The following DLGAP2 variants were observed in gnomAD, a reference collection of about 807,000 sequenced individuals.
DLGAP2 encodes the protein DLG associated protein 2.
A neutral mutation model predicts 100.3 loss-of-function variants in DLGAP2; 26 were observed. That is an observed-to-expected ratio of 0.26 (90% CI 0.19 to 0.36). The LOEUF (loss-of-function observed/expected upper bound fraction) is 0.36. Among genes scored for constraint, DLGAP2 ranks in the 10% least tolerant of loss-of-function variants. The pLI is 1.00. For missense variants in DLGAP2, 1,858 were observed against 1,453.2 expected (o/e 1.28, Z -4.53); for synonymous variants, 886 against 630.1 (o/e 1.41, Z -6.08).
At chr8:1,049,806 G>A (rs533044569) in intron 2 of DLGAP2, among the ~76,000 whole-genome samples, 1 of 152,286 alleles carries the variant, frequency 6.6e-6, no homozygotes, top group Non-Finnish European at 1.5e-5. Context: ...GCAGTAACAG[G>A]TGTGCATACG....
At chr8:854,766 C>A (rs1417283678) in intron 1 of DLGAP2, among the ~76,000 whole-genome samples, 2 of 152,128 alleles carry the variant, frequency 1.3e-5, no homozygotes, top group Non-Finnish European at 2.9e-5. Context: ...TGTTGTAGGG[C>A]CTGCCTCAGT....
At chr8:836,649 C>T (rs925789587) in intron 1 of DLGAP2, among the ~76,000 whole-genome samples, 2 of 152,188 alleles carry the variant, frequency 1.3e-5, no homozygotes, top group African/African-American at 4.8e-5. Flanking sequence ...GCTCCTACTT[C>T]CGTTTCCCCG....
intron 3 of DLGAP2, among the ~76,000 whole-genome samples, chr8:1,384,241 G>A (rs919521533): frequency 1.6e-4 from 25 of 152,242 alleles, no homozygotes; most frequent in Admixed American, 3.9e-4. Flanking sequence ...TTTCTTTCCT[G>A]GAAAAAGCAA....
intron 2 of DLGAP2, among the ~76,000 whole-genome samples, chr8:998,084 C>CA (rs1800837033): frequency 6.6e-6 from 1 of 151,238 alleles, no homozygotes; most frequent in Non-Finnish European, 1.5e-5. Flanking sequence ...TGTGCACACA[C>CA]CCGTGTCTGC....
intron 2 of DLGAP2, among the ~76,000 whole-genome samples, chr8:1,020,251 G>A (rs991196687): frequency 1.3e-5 from 2 of 152,132 alleles, no homozygotes; most frequent in East Asian, 3.9e-4. Context: ...ACCAATTTGG[G>A]TATGAAACCC....
chr8:1,416,745 G>T (rs374772912), intron 3 of DLGAP2, among the ~76,000 whole-genome samples: 1 of 152,182 alleles, frequency 6.6e-6, no homozygotes, highest in East Asian at 1.9e-4. Context: ...AAAAGGAATC[G>T]GACGTGTTGG....
intron 3 of DLGAP2, among the ~76,000 whole-genome samples, chr8:1,338,478 G>A (rs1225979535): frequency 2.0e-5 from 3 of 152,318 alleles, no homozygotes; most frequent in East Asian, 1.9e-4. Flanking sequence ...CTGGGTCTGG[G>A]GGCAGGAAGG....
chr8:1,635,896 C>T (rs1231078602), intron 8 of DLGAP2, among the ~76,000 whole-genome samples: 1 of 152,228 alleles, frequency 6.6e-6, no homozygotes, highest in Non-Finnish European at 1.5e-5. Flanking sequence ...CTTTTTCACT[C>T]AACCTTTAAA....
intron 3 of DLGAP2, among the ~76,000 whole-genome samples, chr8:1,444,085 C>T (rs1052331899): frequency 6.6e-6 from 1 of 152,096 alleles, no homozygotes; most frequent in Non-Finnish European, 1.5e-5. Context: ...CCTACACCTC[C>T]CTCTACCTTA....
intron 4 of DLGAP2, among the ~76,000 whole-genome samples, chr8:1,504,303 A>T (rs957308688): frequency 2.5e-4 from 38 of 152,162 alleles, no homozygotes; most frequent in Non-Finnish European, 5.1e-4. Flanking sequence ...TTGTGTGTAT[A>T]GTATACAACG....
At chr8:1,325,732 C>G (rs1801006978) in intron 3 of DLGAP2, among the ~76,000 whole-genome samples, 2 of 152,092 alleles carry the variant, frequency 1.3e-5, no homozygotes, top group Admixed American at 1.3e-4. Context: ...GTACCGCTTG[C>G]CAAAGAAAAA....
In DLGAP2 at chr8:940,057, A is replaced by G. The variant is rs11985137; in HGVS notation, c.73+32091A>G. ...AAGGTGGAAAGCTTCTTTGGCTGCT[A>G]TGGAGTGCAGTAGGGTGCTTGGAAT... is the stretch of plus-strand genomic sequence containing the variant. On this transcript the variant is annotated intron_variant, in intron 2 of 14. Transcript: ENST00000637795. 3.8e-3 allele frequency among the ~76,000 whole-genome samples: 581 copies of G among 152,114 alleles called. 3 individuals carry two copies. Among genetic ancestry groups the G allele is most frequent in the African/African-American group, 0.012 (501 of 41,474 alleles).
chr8:964,404 G>A (rs1799797311), intron 2 of DLGAP2, among the ~76,000 whole-genome samples: 1 of 152,238 alleles, frequency 6.6e-6, no homozygotes, highest in Non-Finnish European at 1.5e-5. Context: ...ACCTTTCTGT[G>A]TAGACACACA....
At chr8:881,012 G>GTA (rs997574812) in intron 1 of DLGAP2, among the ~76,000 whole-genome samples, 3 of 152,214 alleles carry the variant, frequency 2.0e-5, no homozygotes, top group African/African-American at 7.2e-5. Context: ...TAGGTGCTCA[G>GTA]TAAGTGGCTT....
At chr8:1,388,304 G>C (rs1318874818) in intron 3 of DLGAP2, among the ~76,000 whole-genome samples, 1 of 101,290 alleles carries the variant, frequency 9.9e-6, no homozygotes, top group Non-Finnish European at 2.0e-5. Context: ...AGAGGCAGAT[G>C]CCGTGGATGA....
chr8:1,675,648 T>TAATA (rs1431690855), intron 10 of DLGAP2, among the ~76,000 whole-genome samples: 2 of 152,156 alleles, frequency 1.3e-5, no homozygotes, highest in Admixed American at 1.3e-4. Flanking sequence ...TAGTGATCAG[T>TAATA]AATATTTTTA....
At chr8:1,008,151 T>G (rs576747399) in intron 2 of DLGAP2, among the ~76,000 whole-genome samples, 1 of 152,364 alleles carries the variant, frequency 6.6e-6, no homozygotes, top group African/African-American at 2.4e-5. Context: ...GACATAATTT[T>G]TGTTTGAAAT....
chr8:1,357,197 G>T (rs1801875322), intron 3 of DLGAP2, among the ~76,000 whole-genome samples: 1 of 152,042 alleles, frequency 6.6e-6, no homozygotes, highest in South Asian at 2.1e-4. Flanking sequence ...CAGTCGCAAG[G>T]GTGCTCAGGT....
chr8:1,041,887 C>G (rs564861746), intron 2 of DLGAP2, among the ~76,000 whole-genome samples: 2 of 152,184 alleles, frequency 1.3e-5, no homozygotes, highest in African/African-American at 4.8e-5. Flanking sequence ...TCTCACCATG[C>G]GGAAGAATGT....
Sources: gnomAD v4.1 joint callset for allele counts (sites outside exome capture counted in the v4.1 genomes callset) on GRCh38, gnomAD v4.1.1 for gene constraint, MANE v1.5 for transcripts, NCBI Gene and HGNC (gene_info 2026-07-23, HGNC 2026-07-21) for gene names.